USO1: variants seen among roughly 807,000 people sequenced by gnomAD.
USO1 encodes the protein USO1 vesicle transport factor.
In USO1, 57 loss-of-function variants were observed where a neutral mutation model predicts 124.5. The ratio of observed to expected loss-of-function variants is 0.46; its 90% confidence interval spans 0.37 to 0.57. USO1 has a LOEUF of 0.57. Among genes scored for constraint, USO1 ranks in the 20% least tolerant of loss-of-function variants. USO1 has a pLI of 0.00. For missense variants in USO1, 900 were observed against 1,040.6 expected (o/e 0.86, Z 1.86); for synonymous variants, 369 against 362.8 (o/e 1.02, Z -0.19).
At chr4:75,794,030 A>C in intron 13 of USO1, 129 bp downstream of exon 13, 1 of 1,381,038 alleles carries the variant, frequency 7.2e-7, no homozygotes, top group Non-Finnish European at 9.6e-7. Flanking sequence ...GTTCATCATA[A>C]TCAGAAACAG....
Position 75,724,649 on chromosome 4 carries a change from G to C in USO1, c.-171G>C. On this transcript the variant is annotated 5_prime_UTR_variant, in exon 1 of 24. Coordinates refer to ENST00000514213, the MANE Select transcript of USO1 (RefSeq NM_003715.4). ...CGCATGCGCATCTTGGCCGCTGCTGGCGGCTGTTTCCGGGCTTAGAGGGCT... is the reference window on the plus strand; with the variant it reads ...CGCATGCGCATCTTGGCCGCTGCTGCCGGCTGTTTCCGGGCTTAGAGGGCT... 1 of 621,802 alleles carries C rather than the reference G, an allele frequency of 1.6e-6. No individual in the cohort carries two copies. The highest frequency in any genetic ancestry group is 2.0e-5 in the South Asian group (1 of 49,546). The allele number at this position is 621,802 out of a possible 1,614,324, so 38.5% of individuals were successfully genotyped here.
intron 1 of USO1, among the ~76,000 whole-genome samples, chr4:75,739,166 T>A (rs576785261): frequency 1.3e-5 from 2 of 152,252 alleles, no homozygotes; most frequent in South Asian, 2.1e-4. Flanking sequence ...TTTTTTAAAG[T>A]GTTGTAAATT....
intron 13 of USO1, among the ~76,000 whole-genome samples, chr4:75,797,459 G>A (rs1480444923): frequency 8.1e-5 from 9 of 110,722 alleles, no homozygotes; most frequent in Non-Finnish European, 1.3e-4. Flanking sequence ...CTGCTTGTTC[G>A]TGATCCATTA....
intron 4 of USO1, among the ~76,000 whole-genome samples, chr4:75,760,973 C>G (rs1388235725): frequency 6.6e-6 from 1 of 152,008 alleles, no homozygotes; most frequent in African/African-American, 2.4e-5. Flanking sequence ...GTGGTGAAAC[C>G]CTGTCTCTAC....
chr4:75,754,932 G>A (rs1721395995), intron 3 of USO1, among the ~76,000 whole-genome samples: 1 of 152,182 alleles, frequency 6.6e-6, no homozygotes, highest in African/African-American at 2.4e-5. Context: ...TTAGCTAAGT[G>A]GGCTCAGGGT....
At chr4:75,795,355 G>C in intron 13 of USO1, 1 of 702,092 alleles carries the variant, frequency 1.4e-6, no homozygotes, top group South Asian at 1.5e-5. Context: ...ATCGACAGAC[G>C]GGTATGTATC....
chr4:75,811,345 G>A (rs575585976), intron 22 of USO1, among the ~76,000 whole-genome samples: 87 of 152,110 alleles, frequency 5.7e-4, no homozygotes, highest in African/African-American at 2.0e-3. Flanking sequence ...TAGTAGAGAC[G>A]AGGATTCGCC....
At chr4:75,766,943 T>C (rs547811812) in intron 4 of USO1, among the ~76,000 whole-genome samples, 71 of 152,358 alleles carry the variant, frequency 4.7e-4, no homozygotes, top group African/African-American at 1.6e-3. Flanking sequence ...AAATTACCTC[T>C]ACCTGTGTTA....
At chr4:75,782,553 G>C in intron 8 of USO1, 127 bp from the exon 9 acceptor site, 6 of 1,277,846 alleles carry the variant, frequency 4.7e-6, no homozygotes, top group Non-Finnish European at 6.2e-6. Context: ...TGTCAGAGCA[G>C]ACTGTCTATC....
intron 1 of USO1, among the ~76,000 whole-genome samples, chr4:75,740,545 C>T (rs999939613): frequency 6.6e-6 from 1 of 152,188 alleles, no homozygotes; most frequent in African/African-American, 2.4e-5. Context: ...TTTCGGCCTC[C>T]CAGAACTCTG....
At chr4:75,801,320 T>C in intron 17 of USO1, 120 bp downstream of exon 17, 2 of 1,216,536 alleles carry the variant, frequency 1.6e-6, no homozygotes, top group Non-Finnish European at 2.2e-6. Flanking sequence ...CCCATCATTT[T>C]TCAAAGCATC....
At chr4:75,725,816 C>T (rs1180773649) in intron 1 of USO1, among the ~76,000 whole-genome samples, 1 of 152,128 alleles carries the variant, frequency 6.6e-6, no homozygotes, top group Non-Finnish European at 1.5e-5. Flanking sequence ...TAATGGCTAA[C>T]TTTGTTAATG....
intron 1 of USO1, among the ~76,000 whole-genome samples, chr4:75,738,859 G>C (rs1013872295): frequency 1.3e-5 from 2 of 151,636 alleles, no homozygotes; most frequent in African/African-American, 4.8e-5. Flanking sequence ...TGTTTGTTTT[G>C]TTTGGTTTAT....
intron 1 of USO1, chr4:75,729,957 A>T: frequency 2.5e-6 from 1 of 405,366 alleles, no homozygotes; most frequent in Non-Finnish European, 4.8e-6. Flanking sequence ...AGCACATTTT[A>T]TACCATGTTA....
At position 75,770,547 on chromosome 4, in the gene USO1, G is replaced by A. The variant is rs1483716672; in HGVS notation, c.396+8G>A. 6.4e-7 allele frequency: 1 copy of A among 1,557,800 alleles called. No homozygotes were observed. Among genetic ancestry groups the A allele is most frequent in the Non-Finnish European group, 8.7e-7 (1 of 1,152,754 alleles). On this transcript the variant is annotated splice_region_variant and intron_variant, in intron 5 of 23. Transcript: ENST00000514213. ...CTGTTATCTTTATTGGAGGTAAATA[G>A]GGAACCTTGATGTTTTTGTCATCTT...
chr4:75,753,643 A>G (rs1455742304), intron 3 of USO1, among the ~76,000 whole-genome samples: 1 of 152,116 alleles, frequency 6.6e-6, no homozygotes, highest in African/African-American at 2.4e-5. Context: ...ACTCGAGCCC[A>G]GGAAGTCAAG....
At chr4:75,747,900 C>CTTTTTTT (rs34689475) in intron 1 of USO1, among the ~76,000 whole-genome samples, 1 of 44,288 alleles carries the variant, frequency 2.3e-5, no homozygotes, top group Non-Finnish European at 4.0e-5. Context: ...CTCACCTGGC[C>CTTTTTTT]TTTTTTTTTT....
intron 1 of USO1, among the ~76,000 whole-genome samples, chr4:75,739,059 C>T (rs532368642): frequency 9.9e-5 from 15 of 152,040 alleles, no homozygotes; most frequent in African/African-American, 3.1e-4. Flanking sequence ...TCACCAGGTT[C>T]GCCAGGCTGG....
At chr4:75,791,491 T>A (rs1384550586) in intron 12 of USO1, among the ~76,000 whole-genome samples, 2 of 152,122 alleles carry the variant, frequency 1.3e-5, no homozygotes, top group African/African-American at 2.4e-5. Flanking sequence ...GCCACTGCAC[T>A]CCAGCCTGGG....
Sources: allele counts gnomAD v4.1 joint callset (sites outside exome capture counted in the v4.1 genomes callset), GRCh38; gene constraint gnomAD v4.1.1; transcripts MANE v1.5; gene names NCBI Gene and HGNC (gene_info 2026-07-23, HGNC 2026-07-21).